The following CTNNA3 variants were observed in gnomAD, a reference collection of about 807,000 sequenced individuals.
The protein encoded by CTNNA3 is catenin alpha-3.
A neutral mutation model predicts 95.7 loss-of-function variants in CTNNA3; 76 were observed. The observed-to-expected ratio is 0.79, with a 90% CI of 0.66 to 0.96. The LOEUF (loss-of-function observed/expected upper bound fraction) is 0.96. CTNNA3 is among the 40% of genes least tolerant of loss of function. The pLI, the probability that CTNNA3 is intolerant of heterozygous loss-of-function variation, is 0.00. For missense variants in CTNNA3, 1,191 were observed against 1,089.8 expected (o/e 1.09, Z -1.31); for synonymous variants, 431 against 374.4 (o/e 1.15, Z -1.74).
intron 10 of CTNNA3, among the ~76,000 whole-genome samples, chr10:66,555,021 C>A (rs1288675087): frequency 1.3e-5 from 2 of 151,966 alleles, no homozygotes; most frequent in Non-Finnish European, 2.9e-5. Context: ...GATGATAATT[C>A]CATTTAAGGG....
intron 9 of CTNNA3, among the ~76,000 whole-genome samples, chr10:66,663,545 C>T (rs948687352): frequency 6.6e-6 from 1 of 151,496 alleles, no homozygotes; most frequent in African/African-American, 2.4e-5. Flanking sequence ...AGGCTTAAGA[C>T]CACCTGACAC....
intron 12 of CTNNA3, among the ~76,000 whole-genome samples, chr10:66,369,518 T>C (rs1040555464): frequency 6.6e-6 from 1 of 152,180 alleles, no homozygotes; most frequent in East Asian, 1.9e-4. Flanking sequence ...TTTGTTTTTC[T>C]ATTATACTTT....
intron 16 of CTNNA3, among the ~76,000 whole-genome samples, chr10:65,976,822 A>AT (rs1276470758): frequency 6.6e-6 from 1 of 151,498 alleles, no homozygotes; most frequent in Non-Finnish European, 1.5e-5. Context: ...GGTTACTTGG[A>AT]TTTTTTTTCT....
rs1437563245 is a variant in CTNNA3, at chr10:66,978,541, A to ATAAAAT, written c.1047+201775_1047+201776insATTTTA. 6.2e-3 allele frequency among the ~76,000 whole-genome samples: 683 copies of ATAAAAT among 110,952 alleles called. 8 individuals are homozygous for ATAAAAT. The highest frequency in any genetic ancestry group is 0.015 in the Middle Eastern group (3 of 196). The allele number at this position is 110,952 out of a possible 152,430, so 72.8% of individuals were successfully genotyped here. A position where few individuals can be genotyped will look rare whatever the true frequency, so the allele number is the denominator to read the frequency against. ...GACTCCATCTCAAAAAAAAAAAAAA[A>ATAAAAT]AAAAAAAAAAAATATATATATATAT... is the stretch of plus-strand genomic sequence containing the variant. On this transcript the variant is annotated intron_variant, in intron 7 of 17. Coordinates refer to ENST00000433211, the MANE Select transcript of CTNNA3 (RefSeq NM_013266.4).
intron 2 of CTNNA3, among the ~76,000 whole-genome samples, chr10:67,612,926 G>A (rs1337191487): frequency 1.3e-5 from 2 of 152,150 alleles, no homozygotes; most frequent in Non-Finnish European, 2.9e-5. Context: ...CGTCTTCTGA[G>A]AGGTCTCACT....
intron 16 of CTNNA3, among the ~76,000 whole-genome samples, chr10:65,971,617 TAGAA>T (rs1302731221): frequency 1.3e-5 from 2 of 151,504 alleles, no homozygotes; most frequent in Non-Finnish European, 2.9e-5. Flanking sequence ...AAGAATGAAT[TAGAA>T]AGAAACTGAA....
intron 10 of CTNNA3, among the ~76,000 whole-genome samples, chr10:66,559,842 A>G (rs983761505): frequency 1.3e-5 from 2 of 151,992 alleles, no homozygotes; most frequent in Non-Finnish European, 2.9e-5. Flanking sequence ...ATAATACTAC[A>G]TAGTAATTCA....
intron 11 of CTNNA3, among the ~76,000 whole-genome samples, chr10:66,474,728 T>A (rs1839261039): frequency 6.6e-6 from 1 of 152,056 alleles, no homozygotes; most frequent in Non-Finnish European, 1.5e-5. Context: ...GTCTTTTAGA[T>A]AATAACCATT....
At chr10:67,310,289 G>A (rs1408441660) in intron 5 of CTNNA3, among the ~76,000 whole-genome samples, 1 of 152,110 alleles carries the variant, frequency 6.6e-6, no homozygotes, top group Non-Finnish European at 1.5e-5. Context: ...AATGCCAACT[G>A]AAATAGCCTT....
chr10:67,204,398 A>G (rs1001546447), intron 6 of CTNNA3, among the ~76,000 whole-genome samples: 4 of 152,098 alleles, frequency 2.6e-5, no homozygotes, highest in Admixed American at 1.3e-4. Flanking sequence ...CTCCTGCTCC[A>G]GCCATGTAAG....
intron 1 of CTNNA3, among the ~76,000 whole-genome samples, chr10:67,727,927 A>G (rs1227213822): frequency 1.5e-5 from 2 of 132,668 alleles, no homozygotes; most frequent in Non-Finnish European, 3.1e-5. Flanking sequence ...TATATATTAC[A>G]TATTATATTA....
intron 13 of CTNNA3, among the ~76,000 whole-genome samples, chr10:66,174,142 CT>C (rs1244606751): frequency 1.3e-5 from 2 of 152,128 alleles, no homozygotes; most frequent in African/African-American, 4.8e-5. Flanking sequence ...AGTTAAGTAA[CT>C]TTCCCAAGCT....
At chr10:66,557,841 T>C (rs1234231639) in intron 10 of CTNNA3, among the ~76,000 whole-genome samples, 2 of 151,930 alleles carry the variant, frequency 1.3e-5, no homozygotes, top group African/African-American at 4.8e-5. Context: ...ATTAAAAATA[T>C]TTTTTACATC....
chr10:66,808,755 A>C (rs1841759252), intron 7 of CTNNA3, among the ~76,000 whole-genome samples: 1 of 152,192 alleles, frequency 6.6e-6, no homozygotes, highest in Admixed American at 6.5e-5. Flanking sequence ...CATTTTGATT[A>C]TCAGATCCAT....
intron 10 of CTNNA3, among the ~76,000 whole-genome samples, chr10:66,617,713 C>T (rs184103747): frequency 1.7e-4 from 26 of 152,052 alleles, no homozygotes; most frequent in Non-Finnish European, 2.6e-4. Context: ...CTGGCCAAGG[C>T]AATTAGGCAG....
At chr10:65,984,310 T>C (rs1451793996) in intron 16 of CTNNA3, among the ~76,000 whole-genome samples, 2 of 151,346 alleles carry the variant, frequency 1.3e-5, no homozygotes, top group Non-Finnish European at 3.0e-5. Flanking sequence ...TCTTAATCTA[T>C]CCAATAATAA....
intron 7 of CTNNA3, among the ~76,000 whole-genome samples, chr10:67,020,813 A>G (rs1852960609): frequency 6.6e-6 from 1 of 152,170 alleles, no homozygotes; most frequent in Non-Finnish European, 1.5e-5. Context: ...ATGGTTTCCT[A>G]ATTAGTAGGG....
intron 13 of CTNNA3, among the ~76,000 whole-genome samples, chr10:66,108,290 G>A (rs1428868461): frequency 6.6e-6 from 1 of 152,068 alleles, no homozygotes; most frequent in Non-Finnish European, 1.5e-5. Flanking sequence ...CCATGAGACT[G>A]GCACTCTACC....
intron 13 of CTNNA3, among the ~76,000 whole-genome samples, chr10:66,197,003 G>A (rs535811826): frequency 2.8e-5 from 4 of 143,080 alleles, no homozygotes; most frequent in Non-Finnish European, 6.2e-5. Flanking sequence ...CAGTGATCAT[G>A]AGGAGTGTGG....
Sources: gnomAD v4.1 joint callset for allele counts (sites outside exome capture counted in the v4.1 genomes callset) on GRCh38, gnomAD v4.1.1 for gene constraint, MANE v1.5 for transcripts, NCBI Gene and HGNC (gene_info 2026-07-23, HGNC 2026-07-21) for gene names.